CHL1: variants seen among roughly 807,000 people sequenced by gnomAD.
The protein encoded by CHL1 is cell adhesion molecule L1 like, also known as neural cell adhesion molecule L1-like protein.
CHL1 carries 96 observed loss-of-function variants against 141.9 expected under a neutral mutation model. The ratio of observed to expected loss-of-function variants is 0.68; its 90% CI spans 0.57 to 0.80. The LOEUF (loss-of-function observed/expected upper bound fraction) is 0.80. Ranked by LOEUF, CHL1 falls within the 30% of genes least tolerant of loss-of-function variation. The pLI is 0.00. For synonymous variants in CHL1, 613 were observed against 502.2 expected (o/e 1.22, Z -2.95); for missense variants, 1,820 against 1,457.2 (o/e 1.25, Z -4.05).
At chr3:215,255 T>C (rs1376125540) in intron 1 of CHL1, among the ~76,000 whole-genome samples, 1 of 152,308 alleles carries the variant, frequency 6.6e-6, no homozygotes, top group Non-Finnish European at 1.5e-5. Context: ...AATCCTGTCA[T>C]TGTGGTAACA....
intron 10 of CHL1, among the ~76,000 whole-genome samples, chr3:351,751 A>G (rs1446061716): frequency 2.6e-5 from 4 of 152,160 alleles, no homozygotes; most frequent in Non-Finnish European, 5.9e-5. Context: ...TAATATAATC[A>G]AATACTATGA....
chr3:265,830 A>G (rs331860), intron 2 of CHL1, among the ~76,000 whole-genome samples: 1,793 of 152,220 alleles, frequency 0.012, 42 homozygotes, highest in African/African-American at 0.042. Flanking sequence ...GGGATAATCA[A>G]CCTCGGAGTC....
intron 1 of CHL1, among the ~76,000 whole-genome samples, chr3:243,687 C>T (rs1260145965): frequency 6.6e-6 from 1 of 152,156 alleles, no homozygotes; most frequent in Admixed American, 6.6e-5. Flanking sequence ...TCAAATAATA[C>T]ACAGAGTGGA....
intron 25 of CHL1, 52 bp downstream of exon 25, chr3:398,437 G>C (rs760891046): frequency 8.3e-7 from 1 of 1,209,800 alleles, no homozygotes; most frequent in Non-Finnish European, 1.2e-6. Context: ...ATGTCCTGTA[G>C]AATACTTAGT....
At chr3:236,344 C>A (rs1691977107) in intron 1 of CHL1, among the ~76,000 whole-genome samples, 1 of 152,052 alleles carries the variant, frequency 6.6e-6, no homozygotes, top group African/African-American at 2.4e-5. Flanking sequence ...GGATGAAAAC[C>A]CCAAAGTGTC....
intron 19 of CHL1, among the ~76,000 whole-genome samples, chr3:387,375 T>A (rs1707835182): frequency 6.6e-6 from 1 of 152,228 alleles, no homozygotes. Flanking sequence ...CCCTGGCTCC[T>A]TTTGTTCTTT....
chr3:235,402 G>C (rs940316177), intron 1 of CHL1, among the ~76,000 whole-genome samples: 7 of 152,154 alleles, frequency 4.6e-5, no homozygotes, highest in African/African-American at 1.4e-4. Context: ...TCTACCTCAT[G>C]GGTTGTAAGG....
chr3:402,237 A>T (rs1002439056), intron 27 of CHL1, among the ~76,000 whole-genome samples: 26 of 152,222 alleles, frequency 1.7e-4, no homozygotes, highest in African/African-American at 6.3e-4. Flanking sequence ...CATCCATAAG[A>T]GATAAGCTAA....
chr3:366,260 C>G lies in CHL1; in HGVS notation c.1751+145C>G, dbSNP rs547658585. The G allele has an allele frequency of 4.5e-4, 320 of 709,140 alleles. 2 individuals carry two copies. The highest frequency in any genetic ancestry group is 6.4e-4 in the Non-Finnish European group (276 of 431,308). The allele number at this position is 709,140 out of a possible 1,614,324, so 43.9% of individuals were successfully genotyped here. A position where few individuals can be genotyped will look rare whatever the true frequency, so the allele number is the denominator to read the frequency against. On this transcript the variant is annotated intron_variant, in intron 15 of 27. Coordinates refer to ENST00000256509, the MANE Select transcript of CHL1 (RefSeq NM_006614.4). ...CCGAGGCGAGTGGATCACTTGAGGT[C>G]AGGAGTTCGAGACTAGCCTGACCAA...
intron 7 of CHL1, 106 bp downstream of exon 7, chr3:342,188 T>C (rs1394806722): frequency 1.5e-5 from 15 of 1,010,286 alleles, no homozygotes; most frequent in South Asian, 5.2e-5. Flanking sequence ...TTTTGCACCA[T>C]TGTGCAGTTC....
chr3:348,281 T>A (rs576979687), intron 9 of CHL1, among the ~76,000 whole-genome samples: 1 of 152,316 alleles, frequency 6.6e-6, no homozygotes, highest in South Asian at 2.1e-4. Context: ...TACTGTTAAA[T>A]GATCACAATA....
intron 1 of CHL1, among the ~76,000 whole-genome samples, chr3:215,159 C>T (rs562493584): frequency 1.7e-4 from 26 of 151,068 alleles, no homozygotes; most frequent in East Asian, 9.7e-4. Flanking sequence ...GATATAGAAT[C>T]AACCTAAGTG....
intron 1 of CHL1, among the ~76,000 whole-genome samples, chr3:243,148 C>T (rs138118793): frequency 1.8e-3 from 274 of 152,250 alleles, no homozygotes; most frequent in Admixed American, 3.6e-3. Context: ...GTAACATTCA[C>T]CTCAGCAAAT....
chr3:262,486 C>T (rs1276086), intron 2 of CHL1, among the ~76,000 whole-genome samples: 20 of 113,792 alleles, frequency 1.8e-4, no homozygotes, highest in African/African-American at 4.7e-4. Flanking sequence ...ACACAGTACT[C>T]ACAGGGCAGG....
chr3:260,304 G>A (rs11707286), intron 2 of CHL1, among the ~76,000 whole-genome samples: 30,083 of 151,938 alleles, frequency 0.2, 3,053 homozygotes, highest in South Asian at 0.27. Flanking sequence ...TCAAAAAATG[G>A]CCATCTTCCT....
chr3:201,504 A>C (rs532401900), intron 1 of CHL1, among the ~76,000 whole-genome samples: 7 of 151,994 alleles, frequency 4.6e-5, no homozygotes, highest in East Asian at 1.9e-4. Context: ...GTGTGAGTGT[A>C]TATGTGTATG....
chr3:324,421 T>C (rs141469734), intron 3 of CHL1, among the ~76,000 whole-genome samples: 84 of 152,212 alleles, frequency 5.5e-4, no homozygotes, highest in Non-Finnish European at 8.4e-4. Flanking sequence ...AAAACTGGGA[T>C]GTCTCCTTTT....
intron 3 of CHL1, among the ~76,000 whole-genome samples, chr3:321,499 A>G (rs994152279): frequency 3.9e-4 from 60 of 152,192 alleles, no homozygotes; most frequent in African/African-American, 1.4e-3. Flanking sequence ...AATCCTGTGG[A>G]AAAATGTTAA....
chr3:284,297 C>A (rs542147804), intron 2 of CHL1, among the ~76,000 whole-genome samples: 4 of 152,250 alleles, frequency 2.6e-5, no homozygotes, highest in African/African-American at 9.6e-5. Context: ...AAGAGGAAAA[C>A]AAACAAAGAT....
Sources: gnomAD v4.1 joint callset for allele counts (sites outside exome capture counted in the v4.1 genomes callset) on GRCh38, gnomAD v4.1.1 for gene constraint, MANE v1.5 for transcripts, NCBI Gene and HGNC (gene_info 2026-07-23, HGNC 2026-07-21) for gene names.